The following CNGA3 variants were observed in gnomAD, a reference collection of about 807,000 sequenced individuals.
CNGA3 encodes cyclic nucleotide-gated channel alpha-3.
In CNGA3, 42 loss-of-function variants were observed where a neutral mutation model predicts 46.6. The observed-to-expected ratio is 0.90, with a 90% CI of 0.70 to 1.17. The LOEUF is 1.17. CNGA3 is among the 50% of genes most tolerant of loss of function. CNGA3 has a pLI of 0.00. For synonymous variants in CNGA3, 394 were observed against 369.4 expected, an observed-to-expected ratio of 1.07 and a Z score of -0.76; for missense variants, 893 against 890.7, an observed-to-expected ratio of 1.00 and a Z score of -0.03.
chr2:98,397,029 G>A lies in CNGA3; in HGVS notation c.1859G>A (p.Gly620Asp), dbSNP rs1692937236. 6.2e-7 allele frequency: 1 copy of A among 1,614,036 alleles called. No individual in the cohort carries two copies. The highest frequency in any genetic ancestry group is 8.5e-7 in the Non-Finnish European group (1 of 1,179,958). Residue 620 changes from glycine to aspartate, a missense_variant, in exon 8 of 8, where the codon GGC becomes GAC. Transcript: ENST00000272602. The stretch of plus-strand genomic sequence containing the variant: ...ATCGATGAGGAGCTGGCCAGGGCGG[G>A]CGCGGACCCCAAGGACCTTGAGGAG... ...NLIDEELARAGADPKDLEEKV... is the reference protein window; with the variant it reads ...NLIDEELARADADPKDLEEKV...
chr2:98,385,835 G>C (rs1574382438), intron 5 of CNGA3, among the ~76,000 whole-genome samples: 1 of 152,260 alleles, frequency 6.6e-6, no homozygotes, highest in Non-Finnish European at 1.5e-5. Context: ...GGGGAGCAAG[G>C]AGTCTCAAAC....
At chr2:98,372,021 C>T (rs1300760075) in intron 2 of CNGA3, among the ~76,000 whole-genome samples, 1 of 152,232 alleles carries the variant, frequency 6.6e-6, no homozygotes, top group Non-Finnish European at 1.5e-5. Flanking sequence ...CCAAGCATGT[C>T]ATGGAGCTTC....
At chr2:98,367,426 C>T (rs773174198) in intron 1 of CNGA3, among the ~76,000 whole-genome samples, 2 of 152,028 alleles carry the variant, frequency 1.3e-5, no homozygotes, top group Admixed American at 6.6e-5. Context: ...AATCTCCTAA[C>T]CTTGTGATCC....
At chr2:98,374,646 C>T (rs1277988401) in intron 2 of CNGA3, among the ~76,000 whole-genome samples, 1 of 152,244 alleles carries the variant, frequency 6.6e-6, no homozygotes, top group Non-Finnish European at 1.5e-5. Context: ...CCTCTCCTCT[C>T]TTCCCACCTC....
At chr2:98,392,322 G>A (rs779904931) in intron 7 of CNGA3, among the ~76,000 whole-genome samples, 10 of 152,208 alleles carry the variant, frequency 6.6e-5, no homozygotes, top group Admixed American at 1.3e-4. Context: ...GACTTTGGGA[G>A]GCCAAGGTGG....
Position 98,377,799 on chromosome 2 carries a change from A to G in CNGA3, c.214A>G (p.Arg72Gly). ...CTCCTTCACCGGCCAGGGGATCGCC[A>G]GGTAACTGACCAGCCTCAGTCCCTA... The part of the protein sequence containing the change: ...QGSFTGQGIA[R>G]LSRLIFLLRR... Residue 72 changes from arginine to glycine, a missense_variant and splice_region_variant, in exon 3 of 8, where the codon AGG (arginine) becomes GGG (glycine). By Grantham distance (125) the Arg-to-Gly change is moderately radical. Coordinates refer to ENST00000272602, the MANE Select transcript of CNGA3 (RefSeq NM_001298.3). 6.2e-7 allele frequency: 1 copy of G among 1,609,774 alleles called. No homozygotes were observed. Among genetic ancestry groups the G allele is most frequent in the Non-Finnish European group, 8.5e-7 (1 of 1,179,030 alleles).
chr2:98,353,627 T>C (rs1478554914), intron 1 of CNGA3, among the ~76,000 whole-genome samples: 5 of 152,210 alleles, frequency 3.3e-5, no homozygotes. Flanking sequence ...AAAGTAATTG[T>C]GGTTTTTGCC....
At chr2:98,377,511 C>G (rs890711265) in intron 2 of CNGA3, 176 bp from the exon 3 acceptor site, 3 of 651,336 alleles carry the variant, frequency 4.6e-6, no homozygotes, top group Non-Finnish European at 8.2e-6. Flanking sequence ...CACGTTTATA[C>G]CAAAATCCAG....
chr2:98,391,413 T>G (rs1353477739), intron 6 of CNGA3, among the ~76,000 whole-genome samples: 1 of 152,018 alleles, frequency 6.6e-6, no homozygotes, highest in Non-Finnish European at 1.5e-5. Context: ...GAGCTGGGGG[T>G]GCTGCCTGTG....
rs777209649 is a variant in CNGA3, at chr2:98,383,475, A to G, written c.449+34A>G. 73 of 1,611,978 alleles carry G rather than the reference A, an allele frequency of 4.5e-5. No homozygotes were observed. The African/African-American group carries it at 7.6e-4, about 17-fold the overall frequency. On this transcript the variant is annotated intron_variant, in intron 5 of 7. Coordinates refer to ENST00000272602, the MANE Select transcript of CNGA3 (RefSeq NM_001298.3). ...CCACACACCCAGCAGAGCCCTCCCC[A>G]AGCCCGGTGCCCTCCACCCCATAGA...
intron 1 of CNGA3, among the ~76,000 whole-genome samples, chr2:98,364,127 C>T (rs952947464): frequency 3.3e-5 from 5 of 152,146 alleles, no homozygotes; most frequent in African/African-American, 1.2e-4. Flanking sequence ...CCTGTAATCC[C>T]AGCACTTTGG....
chr2:98,380,242 C>G lies in CNGA3; in HGVS notation c.283C>G (p.Pro95Ala). 6.2e-7 allele frequency: 1 copy of G among 1,614,192 alleles called. No individual in the cohort carries two copies. The highest frequency in any genetic ancestry group is 8.5e-7 in the Non-Finnish European group (1 of 1,180,026). Residue 95 changes from proline (P) to alanine (A), a missense_variant, in exon 4 of 8, where the codon CCG becomes GCG. Physicochemically the swap from Pro to Ala is conservative, Grantham distance 27. Around this residue, in one of 3 missense-constraint regions of CNGA3, gnomAD observed 333 missense variants for 290.8 expected, o/e 1.15. Transcript: ENST00000272602. ...GCATGTGCACCACCAGGACCAGGGA[C>G]CGGACTCTTTTCCTGATCGTTTCCG... Reference protein sequence around the residue: ...ARHVHHQDQGPDSFPDRFRGA... With the variant: ...ARHVHHQDQGADSFPDRFRGA...
In CNGA3 at chr2:98,380,303, G is replaced by C. The variant is rs145713281; in HGVS notation, c.344G>C (p.Ser115Thr). Reference protein sequence around the residue: ...AELKEVSSQESNAQANVGSQE... With the variant: ...AELKEVSSQETNAQANVGSQE... ...CTTAAGGAGGTGTCCAGCCAAGAAA[G>C]CAATGCCCAGGCAAATGTGGGCAGC... is the stretch of plus-strand genomic sequence containing the variant. The change falls in exon 4 of 8, where the codon AGC becomes ACC. Residue 115 changes from serine to threonine, a missense_variant. Ser to Thr is a moderately conservative substitution (Grantham distance 58). This residue lies in a region of CNGA3 where 333 missense variants were observed against 290.8 expected (regional missense o/e 1.15). Transcript: ENST00000272602. 13 of 1,614,094 alleles carry C rather than the reference G, an allele frequency of 8.1e-6. No homozygotes were observed. The African/African-American group carries it at 9.3e-5, about 12-fold the overall frequency.
intron 1 of CNGA3, among the ~76,000 whole-genome samples, chr2:98,358,340 T>C (rs1558803764): frequency 1.3e-5 from 2 of 152,230 alleles, no homozygotes; most frequent in South Asian, 4.1e-4. Context: ...GAAGGAATGG[T>C]AGAATACCAC....
chr2:98,357,780 A>G (rs1400889382), intron 1 of CNGA3, among the ~76,000 whole-genome samples: 1 of 152,194 alleles, frequency 6.6e-6, no homozygotes, highest in Non-Finnish European at 1.5e-5. Context: ...ATGCTCAAAA[A>G]CCACTCCTAG....
intron 1 of CNGA3, among the ~76,000 whole-genome samples, chr2:98,360,317 T>G (rs535792727): frequency 2.0e-5 from 3 of 152,186 alleles, no homozygotes; most frequent in Non-Finnish European, 4.4e-5. Context: ...ACTGCCTCCA[T>G]GCAATGGCAG....
intron 1 of CNGA3, among the ~76,000 whole-genome samples, chr2:98,364,969 G>A (rs1463762556): frequency 6.6e-6 from 1 of 152,076 alleles, no homozygotes; most frequent in Non-Finnish European, 1.5e-5. Flanking sequence ...AGGGTTTCTG[G>A]GGAGAGGTCC....
rs1558820475 is a variant in CNGA3, at chr2:98,396,484, C to T, written c.1314C>T (p.Ile438=). 1 of 1,613,854 alleles carries T rather than the reference C, an allele frequency of 6.2e-7. No homozygotes were observed. The highest frequency in any genetic ancestry group is 8.5e-7 in the Non-Finnish European group (1 of 1,180,042). Residue 438 remains isoleucine, a synonymous_variant, in exon 8 of 8, where the codon ATC becomes ATT. Coordinates refer to ENST00000272602, the MANE Select transcript of CNGA3 (RefSeq NM_001298.3). ...KVTKDLETRV[I]RWFDYLWANK... is the part of the protein sequence containing the mutation. ...CCAAGGACTTGGAGACGCGGGTTAT[C>T]CGGTGGTTTGACTACCTGTGGGCCA... is the stretch of plus-strand genomic sequence containing the variant.
intron 6 of CNGA3, 91 bp downstream of exon 6, chr2:98,389,865 T>TGAG: frequency 9.9e-7 from 1 of 1,010,688 alleles, no homozygotes; most frequent in Non-Finnish European, 1.5e-6. Context: ...TCGGGAGGCC[T>TGAG]GAGGCCTGGA....
Sources: gnomAD v4.1 joint callset for allele counts (sites outside exome capture counted in the v4.1 genomes callset) on GRCh38, gnomAD v4.1.1 for gene constraint, gnomAD v4.1.1 regional missense constraint, MANE v1.5 for transcripts, NCBI Gene and HGNC (gene_info 2026-07-23, HGNC 2026-07-21) for gene names.